Variants in DCTN1 observed in about 807,000 individuals in gnomAD.
The protein encoded by DCTN1 is dynactin subunit 1.
A neutral mutation model predicts 161.2 loss-of-function variants in DCTN1; 61 were observed. The ratio of observed to expected loss-of-function variants is 0.38; its 90% CI spans 0.31 to 0.47. The LOEUF (loss-of-function observed/expected upper bound fraction) is 0.47, where lower values mean the gene tolerates loss of function less well. Ranked by LOEUF, DCTN1 falls within the 20% of genes least tolerant of loss-of-function variation. The pLI is 0.99. For synonymous variants in DCTN1, 653 were observed against 632.4 expected (o/e 1.03, Z -0.49); for missense variants, 1,404 against 1,623.7 (o/e 0.86, Z 2.33).
At chr2:74,367,328 C>A in intron 19 of DCTN1, 24 bp downstream of exon 19, 1 of 1,613,586 alleles carries the variant, frequency 6.2e-7, no homozygotes, top group South Asian at 1.1e-5. Flanking sequence ...CACGGGGGCT[C>A]AATCACTGGC....
upstream of DCTN1, among the ~76,000 whole-genome samples, chr2:74,382,225 G>A (rs1675541744): frequency 6.6e-6 from 1 of 152,174 alleles, no homozygotes; most frequent in Non-Finnish European, 1.5e-5. Flanking sequence ...CTTGGAATCT[G>A]TTTATTTTCC....
Position 74,378,041 on chromosome 2 carries a change from T to C in DCTN1, c.238A>G (p.Thr80Ala). ...AAGATGCCATGCCCTTCATCACAAG[T>C]GAAGTACTTCCTGCCTTGAACAGTT... ...DGTVQGRKYF[T>A]CDEGHGIFVR... The change falls in exon 2 of 32, where the codon ACT becomes GCT. Residue 80 changes from threonine (T) to alanine (A), a missense_variant. Coordinates refer to ENST00000628224, the MANE Select transcript of DCTN1 (RefSeq NM_004082.5). 6.2e-7 allele frequency: 1 copy of C among 1,614,270 alleles called. No individual in the cohort carries two copies. The highest frequency in any genetic ancestry group is 1.1e-5 in the South Asian group (1 of 91,092).
rs1399616268 is a variant in DCTN1, at chr2:74,380,101, C to T, written c.-64G>A. The T allele has an allele frequency of 9.4e-6, 15 of 1,594,834 alleles. No individual in the cohort carries two copies. The Admixed American group carries it at 1.8e-4, about 19-fold the overall frequency. ...AAAGACAGAGAGAAAAGGTAGAAAC[C>T]TAGGCAGGAGGGTCAGGGCGCTGGG... On this transcript the variant is annotated 5_prime_UTR_variant, in exon 1 of 32. It removes the in-frame stop codon of an upstream open reading frame in the 5' UTR. Transcript: ENST00000628224.
At position 74,363,616 on chromosome 2, in the gene DCTN1, C is replaced by T. The variant is rs747334304; in HGVS notation, c.3209G>A (p.Arg1070Gln). ...VSGIAGEEQQ[R>Q]GAIPGQAPGS... ...CCCCGGCCAGAGTGGGTCTCTACCT[C>T]GCTGCTGTTCTTCTGTGCTCGGGAT... The change falls in exon 27 of 32, where the codon CGA (arginine) becomes CAA (glutamine). Residue 1070 changes from arginine to glutamine, a missense_variant and splice_region_variant. By Grantham distance (43) the Arg-to-Gln change is conservative. Around this residue, in one of 9 missense-constraint regions of DCTN1, gnomAD observed 311 missense variants for 298.9 expected, o/e 1.04. Transcript: ENST00000628224. 9.3e-6 allele frequency: 15 copies of T among 1,613,616 alleles called. No homozygotes were observed. The highest frequency in any genetic ancestry group is 1.6e-4 in the Middle Eastern group (1 of 6,078).
intron 1 of DCTN1, among the ~76,000 whole-genome samples, chr2:74,389,174 T>G (rs577408106): frequency 4.6e-4 from 70 of 152,238 alleles, no homozygotes; most frequent in African/African-American, 1.6e-3. Context: ...GAGGCCAGAC[T>G]AAATAGCTAA....
In DCTN1 at chr2:74,367,387, C is replaced by T. The variant is rs756620119; in HGVS notation, c.2218G>A (p.Glu740Lys). ...TCAGCCAGCTGCATAGTACAGTCCTCAGGCTGTTCGGCAAGGTGGATGCTG... is the reference window on the plus strand; with the variant it reads ...TCAGCCAGCTGCATAGTACAGTCCTTAGGCTGTTCGGCAAGGTGGATGCTG... ...LYSIHLAEQPEDCTMQLADHI... is the reference protein window; with the variant it reads ...LYSIHLAEQPKDCTMQLADHI... The change falls in exon 19 of 32, where the codon GAG (glutamate) becomes AAG (lysine). Residue 740 changes from glutamate to lysine, a missense_variant. By Grantham distance (56) the Glu-to-Lys change is moderately conservative. This residue lies in a region of DCTN1 where 475 missense variants were observed against 489.8 expected (regional missense o/e 0.97). Transcript: ENST00000628224. The T allele has an allele frequency of 6.2e-7, 1 of 1,614,140 alleles. No individual in the cohort carries two copies. Among genetic ancestry groups the T allele is most frequent in the South Asian group, 1.1e-5 (1 of 91,070 alleles).
At chr2:74,374,612 G>C (rs1675112748) in intron 5 of DCTN1, 1 of 1,257,954 alleles carries the variant, frequency 7.9e-7, no homozygotes, top group African/African-American at 1.5e-5. Flanking sequence ...GGCTCCGGCA[G>C]GCACCGGAGC....
chr2:74,366,379 C>T lies in DCTN1; in HGVS notation c.2629-4G>A, dbSNP rs201090138. 27 of 1,614,222 alleles carry T rather than the reference C, an allele frequency of 1.7e-5. No homozygotes were observed. In the East Asian group the frequency reaches 5.3e-4, roughly 32 times the overall value. ...TGCTGGAGGGGGTCCCATAGATCTG[C>T]AGGAGCCAAGGGCAGAAGTAAAAGC... is the stretch of plus-strand genomic sequence containing the variant. On this transcript the variant is annotated splice_polypyrimidine_tract_variant and splice_region_variant and intron_variant, in intron 22 of 31. Transcript: ENST00000628224.
In DCTN1 at chr2:74,370,407, G is replaced by A; in HGVS notation, c.1127+59C>T. 3 of 1,613,802 alleles carry A rather than the reference G, an allele frequency of 1.9e-6. No homozygotes were observed. Among genetic ancestry groups the A allele is most frequent in the Non-Finnish European group, 2.5e-6 (3 of 1,179,796 alleles). On this transcript the variant is annotated intron_variant, in intron 11 of 31. Transcript: ENST00000628224. The surrounding 1 kb of genome is among the most constrained non-coding windows in gnomAD (Gnocchi z 4.4). ...CGTGTCAGAGTCTCTGGCGATGGGT[G>A]CTCTAACACATTTGGAGACACAAGA...
chr2:74,389,473 C>G (rs1273713622), intron 1 of DCTN1, among the ~76,000 whole-genome samples: 1 of 152,132 alleles, frequency 6.6e-6, no homozygotes, highest in Non-Finnish European at 1.5e-5. Flanking sequence ...CAGCTGCTAG[C>G]AATGATAGAG....
chr2:74,371,898 A>C (rs1674888035), intron 7 of DCTN1, 170 bp from the exon 8 acceptor site: 4 of 617,182 alleles, frequency 6.5e-6, no homozygotes, highest in Non-Finnish European at 8.7e-6. Flanking sequence ...GACAAGGAAA[A>C]TGATACAGAG....
chr2:74,370,273 T>C lies in DCTN1; in HGVS notation c.1200A>G (p.Gln400=), dbSNP rs1674739618. 5 of 1,614,104 alleles carry C rather than the reference T, an allele frequency of 3.1e-6. No homozygotes were observed. The African/African-American group carries it at 6.7e-5, about 22-fold the overall frequency. Residue 400 remains glutamine, a synonymous_variant, in exon 12 of 32, where the codon CAA becomes CAG. Coordinates refer to ENST00000628224, the MANE Select transcript of DCTN1 (RefSeq NM_004082.5). This position sits in a 1 kb window ranked among gnomAD's most constrained non-coding sequence, Gnocchi z 4.4. ...KLQKLMEKKN[Q]ELEVVRQQRE... Reference sequence around the variant, plus strand: ...GCTGTTGCCTCACAACTTCCAGCTCTTGGTTCTTCTTTTCCATGAGCTTCT... The same window carrying C: ...GCTGTTGCCTCACAACTTCCAGCTCCTGGTTCTTCTTTTCCATGAGCTTCT...
At position 74,363,386 on chromosome 2, in the gene DCTN1, C is replaced by T. The variant is rs766402870; in HGVS notation, c.3253G>A (p.Gly1085Arg). 1.9e-6 allele frequency: 3 copies of T among 1,612,566 alleles called. No homozygotes were observed. The highest frequency in any genetic ancestry group is 2.5e-6 in the Non-Finnish European group (3 of 1,179,600). ...AGCAGTGGTGAGTCCTTCACCAGCC[C>T]TGGGCCTGGCACAGACCCTGGAGCC... ...GQAPGSVPGP[G>R]LVKDSPLLLQ... The change falls in exon 28 of 32, where the codon GGG becomes AGG. Residue 1085 changes from glycine to arginine, a missense_variant. Gly to Arg is a moderately radical substitution (Grantham distance 125, BLOSUM62 -2). This residue lies in a region of DCTN1 where 311 missense variants were observed against 298.9 expected (regional missense o/e 1.04). Transcript: ENST00000628224.
chr2:74,367,103 G>A lies in DCTN1; in HGVS notation c.2258C>T (p.Thr753Met), dbSNP rs143763184. 545 of 1,614,188 alleles carry A rather than the reference G, an allele frequency of 3.4e-4. No individual in the cohort carries two copies. In the African/African-American group the frequency reaches 5.3e-3, roughly 16 times the overall value. ...ACTCATGCAGTCCAGAGCACTCTGC[G>A]TGAACTGTGAGGATAGAAGCATGCA... ...TMQLADHIKFTQSALDCMSVE... is the reference protein window; with the variant it reads ...TMQLADHIKFMQSALDCMSVE... The change falls in exon 20 of 32, where the codon ACG becomes ATG. Residue 753 changes from threonine to methionine, a missense_variant. Thr to Met is a moderately conservative substitution (Grantham distance 81). Coordinates refer to ENST00000628224, the MANE Select transcript of DCTN1 (RefSeq NM_004082.5).
At chr2:74,375,271 C>A (rs1422733192) in intron 5 of DCTN1, among the ~76,000 whole-genome samples, 1 of 152,200 alleles carries the variant, frequency 6.6e-6, no homozygotes. Context: ...CCAAAAAGAA[C>A]TAGGCACTTT....
intron 26 of DCTN1, chr2:74,363,907 G>C (rs1436716928): frequency 1.3e-5 from 7 of 522,418 alleles, no homozygotes; most frequent in Non-Finnish European, 2.4e-5. Context: ...AAAGTACTTG[G>C]AACATGAGGC....
intron 26 of DCTN1, chr2:74,364,360 G>A: frequency 6.3e-6 from 1 of 158,574 alleles, no homozygotes; most frequent in Non-Finnish European, 1.4e-5. Context: ...AAAGTCTGGA[G>A]GCCCTAAGGG....
Position 74,363,151 on chromosome 2 carries a change from T to G in DCTN1, c.3372A>C (p.Ala1124=). 6.2e-7 allele frequency: 1 copy of G among 1,614,108 alleles called. No homozygotes were observed. The highest frequency in any genetic ancestry group is 8.5e-7 in the Non-Finnish European group (1 of 1,179,986). The change falls in exon 29 of 32, where the codon GCA becomes GCC. Residue 1124 remains alanine, a synonymous_variant. Coordinates refer to ENST00000628224, the MANE Select transcript of DCTN1 (RefSeq NM_004082.5). Reference sequence around the variant, plus strand: ...TTGCAACATGCAGAGGGGGCAGGGATGCCAAGGATGCCTTCATCTGGGCTC... The same window carrying G: ...TTGCAACATGCAGAGGGGGCAGGGAGGCCAAGGATGCCTTCATCTGGGCTC... The part of the protein sequence containing the change: ...LKGAQMKASL[A]SLPPLHVAKL...
chr2:74,366,685 A>C (rs2104416230), intron 21 of DCTN1, 65 bp from the exon 22 acceptor site: 8 of 1,614,010 alleles, frequency 5.0e-6, no homozygotes, highest in Non-Finnish European at 6.8e-6. Context: ...AGCTACCCCA[A>C]AACCATTTTT....
Sources: allele counts gnomAD v4.1 joint callset (sites outside exome capture counted in the v4.1 genomes callset), GRCh38; gene constraint gnomAD v4.1.1; regional missense constraint gnomAD v4.1.1; non-coding constraint Gnocchi (gnomAD v3.1); transcripts MANE v1.5; gene names NCBI Gene and HGNC (gene_info 2026-07-23, HGNC 2026-07-21).